Variants in COL19A1 observed in about 807,000 individuals in gnomAD.
The protein encoded by COL19A1 is collagen alpha-1(XIX) chain.
COL19A1 carries 159 observed loss-of-function variants against 190.2 expected under a neutral mutation model. That is an observed-to-expected ratio of 0.84 (90% CI 0.73 to 0.95). The LOEUF is 0.95. COL19A1 is among the 40% of genes least tolerant of loss of function. The pLI is 0.00. For missense variants in COL19A1, 1,418 were observed against 1,431.9 expected (o/e 0.99, Z 0.16); for synonymous variants, 509 against 458.9 (o/e 1.11, Z -1.39).
chr6:69,979,460 A>G (rs909251051), intron 11 of COL19A1, among the ~76,000 whole-genome samples: 3 of 152,014 alleles, frequency 2.0e-5, no homozygotes, highest in African/African-American at 7.2e-5. Context: ...ATAATATGCA[A>G]TATTCATTCC....
chr6:70,056,500 T>A (rs1179623018), intron 14 of COL19A1, among the ~76,000 whole-genome samples: 1 of 152,168 alleles, frequency 6.6e-6, no homozygotes, highest in Non-Finnish European at 1.5e-5. Context: ...TGAGTAGAAC[T>A]ACACTTACCT....
At chr6:69,890,633 A>G (rs1347138159) in intron 2 of COL19A1, 1 of 152,220 alleles carries the variant, frequency 6.6e-6, no homozygotes, top group Non-Finnish European at 1.5e-5. Flanking sequence ...TAGTATAAGT[A>G]TGTTCCAAAT....
At chr6:70,130,633 G>C (rs908800788) in intron 18 of COL19A1, among the ~76,000 whole-genome samples, 94 of 152,232 alleles carry the variant, frequency 6.2e-4, no homozygotes, top group Non-Finnish European at 1.2e-3. Flanking sequence ...ATCTCTGGGA[G>C]GGTGTCCAGC....
At chr6:70,167,909 G>T in intron 37 of COL19A1, 116 bp from the exon 38 acceptor site, 1 of 711,072 alleles carries the variant, frequency 1.4e-6, no homozygotes, top group Non-Finnish European at 2.3e-6. Context: ...TTGTAAAATA[G>T]AATAGAAAAA....
chr6:69,879,874 G>C lies in COL19A1; in HGVS notation c.91+216G>C, dbSNP rs112137379. ...TCATACGCATAGTATATTAGTCTAT[G>C]TTTCCTTTCATCTTCAATATTTACA... On this transcript the variant is annotated intron_variant, in intron 2 of 50. Coordinates refer to ENST00000620364, the MANE Select transcript of COL19A1 (RefSeq NM_001858.6). 5.7e-6 allele frequency: 3 copies of C among 529,808 alleles called. No homozygotes were observed. In the African/African-American group the frequency reaches 5.7e-5, roughly 10 times the overall value. The allele number at this position is 529,808 out of a possible 1,614,324, so 32.8% of individuals were successfully genotyped here.
chr6:69,927,690 A>G (rs529282196), intron 4 of COL19A1, among the ~76,000 whole-genome samples: 1 of 152,294 alleles, frequency 6.6e-6, no homozygotes, highest in African/African-American at 2.4e-5. Context: ...GAAATGTCAC[A>G]ATTTAATACT....
chr6:69,904,425 A>T (rs1398768286), intron 4 of COL19A1, among the ~76,000 whole-genome samples: 2 of 152,168 alleles, frequency 1.3e-5, no homozygotes, highest in Non-Finnish European at 2.9e-5. Context: ...CAGCTTTTCC[A>T]TCTCAGAGGT....
At chr6:70,004,428 G>C (rs1247043644) in intron 11 of COL19A1, among the ~76,000 whole-genome samples, 1 of 152,144 alleles carries the variant, frequency 6.6e-6, no homozygotes, top group African/African-American at 2.4e-5. Context: ...TGTCTTGCTA[G>C]GTTGAGGAAG....
chr6:70,055,908 G>T (rs531194765), intron 14 of COL19A1, among the ~76,000 whole-genome samples: 36 of 150,300 alleles, frequency 2.4e-4, no homozygotes, highest in Admixed American at 1.0e-3. Context: ...TTTTTTTCTG[G>T]CATTTCTAAT....
At chr6:70,088,188 C>G (rs77851740) in intron 15 of COL19A1, among the ~76,000 whole-genome samples, 2,547 of 152,158 alleles carry the variant, frequency 0.017, 65 homozygotes, top group African/African-American at 0.057. Flanking sequence ...ATAGAAAGCC[C>G]CTTTCAAATG....
At chr6:69,954,885 A>G (rs1205867400) in intron 9 of COL19A1, among the ~76,000 whole-genome samples, 1 of 152,000 alleles carries the variant, frequency 6.6e-6, no homozygotes, top group Non-Finnish European at 1.5e-5. Flanking sequence ...ACTATAAATT[A>G]CTCATCACGA....
At chr6:70,023,916 G>A (rs1014020061) in intron 12 of COL19A1, among the ~76,000 whole-genome samples, 10 of 152,066 alleles carry the variant, frequency 6.6e-5, no homozygotes, top group African/African-American at 1.4e-4. Flanking sequence ...TCTCCTTGAC[G>A]TTTCTTGCTT....
chr6:70,019,841 T>C (rs1028281370), intron 11 of COL19A1, among the ~76,000 whole-genome samples: 1 of 152,106 alleles, frequency 6.6e-6, no homozygotes, highest in African/African-American at 2.4e-5. Flanking sequence ...CTAGCTTAAA[T>C]CTTTAATGCT....
chr6:69,897,458 T>TACACACACAC (rs71760023), intron 2 of COL19A1, among the ~76,000 whole-genome samples: 1,674 of 145,298 alleles, frequency 0.012, 68 homozygotes, highest in Admixed American at 0.072. Flanking sequence ...TTGTCAGTTT[T>TACACACACAC]ACACACACAC....
chr6:70,048,152 C>T (rs1780006616), intron 14 of COL19A1, among the ~76,000 whole-genome samples: 1 of 152,050 alleles, frequency 6.6e-6, no homozygotes, highest in Non-Finnish European at 1.5e-5. Context: ...AAATTACGCA[C>T]AGAGAGGGTG....
chr6:70,104,310 A>G (rs6907532), intron 16 of COL19A1, among the ~76,000 whole-genome samples: 110,673 of 152,128 alleles, frequency 0.73, 40,999 homozygotes, highest in African/African-American at 0.86. Flanking sequence ...AGGAGGCATG[A>G]CTGGGAAGGT....
At chr6:70,197,673 C>A (rs892522014) in intron 48 of COL19A1, among the ~76,000 whole-genome samples, 1 of 151,986 alleles carries the variant, frequency 6.6e-6, no homozygotes, top group Non-Finnish European at 1.5e-5. Context: ...ACCACACATC[C>A]CAGGTAGATA....
intron 15 of COL19A1, among the ~76,000 whole-genome samples, chr6:70,097,607 T>C (rs934539422): frequency 6.6e-6 from 1 of 152,108 alleles, no homozygotes; most frequent in South Asian, 2.1e-4. Context: ...GTTTGAGCCC[T>C]CCTGGGTTTA....
Position 69,921,110 on chromosome 6 carries a change from T to G in COL19A1, c.267-6799T>G, listed in dbSNP as rs192013445. 5.0e-3 allele frequency among the ~76,000 whole-genome samples: 598 copies of G among 118,638 alleles called. 2 individuals carry two copies. Among genetic ancestry groups the G allele is most frequent in the African/African-American group, 0.013 (415 of 30,844 alleles). The allele number at this position is 118,638 out of a possible 152,430, so 77.8% of individuals were successfully genotyped here. A position where few individuals can be genotyped will look rare whatever the true frequency, so the allele number is the denominator to read the frequency against. On this transcript the variant is annotated intron_variant, in intron 4 of 50. Transcript: ENST00000620364. The stretch of plus-strand genomic sequence containing the variant: ...TTCATAGACATATCATATATTCATA[T>G]ACATATATATCACATATGTATCACA...
Sources: allele counts gnomAD v4.1 joint callset (sites outside exome capture counted in the v4.1 genomes callset), GRCh38; gene constraint gnomAD v4.1.1; transcripts MANE v1.5; gene names NCBI Gene and HGNC (gene_info 2026-07-23, HGNC 2026-07-21).